HDAC9: variants seen among roughly 807,000 people sequenced by gnomAD.
HDAC9 encodes histone deacetylase 9.
Under a neutral mutation model 139.4 loss-of-function variants are expected in HDAC9, and 41 were observed. The ratio of observed to expected loss-of-function variants is 0.29; its 90% CI spans 0.23 to 0.38. HDAC9 has a LOEUF of 0.38. Among genes scored for constraint, HDAC9 ranks in the 10% least tolerant of loss-of-function variants. The probability of loss-of-function intolerance (pLI) is 1.00; values close to 1 mark genes in which losing one functional copy is unlikely to be tolerated. For synonymous variants in HDAC9, 517 were observed against 476.2 expected (o/e 1.09, Z -1.12); for missense variants, 1,147 against 1,297.0 (o/e 0.88, Z 1.78).
At chr7:18,183,032 C>T (rs1248024764) in intron 2 of HDAC9, among the ~76,000 whole-genome samples, 6 of 146,692 alleles carry the variant, frequency 4.1e-5, no homozygotes, top group African/African-American at 7.7e-5. Context: ...TTTTTTGAGA[C>T]GGAGTCTCAC....
At chr7:18,170,848 G>T (rs1788375907) in intron 2 of HDAC9, among the ~76,000 whole-genome samples, 3 of 152,254 alleles carry the variant, frequency 2.0e-5, no homozygotes, top group Admixed American at 2.0e-4. Flanking sequence ...GGTTACTGTT[G>T]GCTTGTAGTA....
intron 1 of HDAC9, 99 bp downstream of exon 1, chr7:18,496,122 C>T: frequency 7.1e-7 from 1 of 1,416,548 alleles, no homozygotes; most frequent in South Asian, 1.3e-5. Context: ...GCTGCTTCTC[C>T]TCAGGGAGGA....
intron 1 of HDAC9, among the ~76,000 whole-genome samples, chr7:18,117,378 C>T (rs1257301423): frequency 6.6e-6 from 1 of 151,578 alleles, no homozygotes. Context: ...CCCAGCTACT[C>T]GGGAGGCTGA....
intron 1 of HDAC9, among the ~76,000 whole-genome samples, chr7:18,290,668 A>G (rs1174161292): frequency 2.0e-5 from 3 of 152,222 alleles, no homozygotes; most frequent in Non-Finnish European, 4.4e-5. Flanking sequence ...TTTTCCAATC[A>G]GTAACAGTAG....
At chr7:18,924,833 G>T (rs190571913) in intron 22 of HDAC9, among the ~76,000 whole-genome samples, 107 of 152,190 alleles carry the variant, frequency 7.0e-4, no homozygotes, top group African/African-American at 2.5e-3. Flanking sequence ...TTCAGAAACC[G>T]TGAGGATGAT....
rs149888197 is a variant in HDAC9 at position 18,610,409 on chromosome 7, C to G, written c.664+16380C>G. ...TCTCCCTCCAAATTTTGACAATAACCCAGAGCAAGCCTAGGCTCACCTTTT... is the reference window on the plus strand; with the variant it reads ...TCTCCCTCCAAATTTTGACAATAACGCAGAGCAAGCCTAGGCTCACCTTTT... On this transcript the variant is annotated intron_variant, in intron 6 of 25. Transcript: ENST00000686413. Among the ~76,000 whole-genome samples, 60 of 152,170 alleles carry G rather than the reference C, an allele frequency of 3.9e-4. No individual in the cohort carries two copies. The East Asian group carries it at 0.01, about 26-fold the overall frequency.
chr7:18,939,547 T>G lies in HDAC9; in HGVS notation c.2937+3605T>G, dbSNP rs566188662. On this transcript the variant is annotated intron_variant, in intron 23 of 25. Coordinates refer to ENST00000686413, the MANE Select transcript of HDAC9 (RefSeq NM_178425.4). Reference sequence around the variant, plus strand: ...ATAATTTATAATCCAAGGCCTGGTTTTCTGTATTTTTTTCCAGGTCAAAGA... The same window carrying G: ...ATAATTTATAATCCAAGGCCTGGTTGTCTGTATTTTTTTCCAGGTCAAAGA... 4.6e-5 allele frequency among the ~76,000 whole-genome samples: 7 copies of G among 152,314 alleles called. No homozygotes were observed. The South Asian group carries it at 1.2e-3, about 27-fold the overall frequency.
chr7:18,298,745 C>T (rs1798320772), intron 1 of HDAC9, among the ~76,000 whole-genome samples: 1 of 152,098 alleles, frequency 6.6e-6, no homozygotes, highest in Non-Finnish European at 1.5e-5. Flanking sequence ...ACATAGGACA[C>T]TCTTAGTCAT....
chr7:18,346,134 AGTTAT>A (rs1389824972), intron 1 of HDAC9, among the ~76,000 whole-genome samples: 5 of 152,260 alleles, frequency 3.3e-5, no homozygotes, highest in African/African-American at 4.8e-5. Context: ...GCTAAAGAAA[AGTTAT>A]GTTATGGCCC....
At chr7:18,142,562 T>G (rs1464179959) in intron 1 of HDAC9, among the ~76,000 whole-genome samples, 1 of 152,224 alleles carries the variant, frequency 6.6e-6, no homozygotes, top group African/African-American at 2.4e-5. Flanking sequence ...TCCCTCACCA[T>G]GCAAGGGAAT....
At chr7:18,194,554 C>G (rs955213872) in intron 2 of HDAC9, among the ~76,000 whole-genome samples, 1 of 152,130 alleles carries the variant, frequency 6.6e-6, no homozygotes, top group Non-Finnish European at 1.5e-5. Flanking sequence ...GCCCAAGGGC[C>G]TCTTCGATTC....
At chr7:18,887,290 A>G (rs191087935) in intron 22 of HDAC9, among the ~76,000 whole-genome samples, 17 of 152,296 alleles carry the variant, frequency 1.1e-4, no homozygotes, top group Admixed American at 3.3e-4. Flanking sequence ...GGGTACTGCA[A>G]TTGGCATTTC....
At chr7:18,091,287 A>G (rs1028154242) in intron 1 of HDAC9, among the ~76,000 whole-genome samples, 20 of 152,206 alleles carry the variant, frequency 1.3e-4, no homozygotes, top group South Asian at 4.1e-4. Context: ...GAAAACTACT[A>G]TCTATTGTTT....
At chr7:18,843,128 A>G (rs1020416221) in intron 21 of HDAC9, among the ~76,000 whole-genome samples, 1 of 152,150 alleles carries the variant, frequency 6.6e-6, no homozygotes, top group Non-Finnish European at 1.5e-5. Flanking sequence ...AATTTTCCAA[A>G]TAATGGGGAC....
intron 2 of HDAC9, chr7:18,517,544 T>A (rs575006150): frequency 1.9e-4 from 29 of 152,312 alleles, no homozygotes; most frequent in African/African-American, 6.7e-4. Context: ...CTTCTATACA[T>A]TCATTCTAAA....
At chr7:18,365,168 C>T (rs546058385) in intron 1 of HDAC9, among the ~76,000 whole-genome samples, 1 of 152,036 alleles carries the variant, frequency 6.6e-6, no homozygotes, top group South Asian at 2.1e-4. Flanking sequence ...GGGCTGTTTG[C>T]TGGGAGTAAG....
intron 22 of HDAC9, chr7:18,899,364 C>G (rs187626104): frequency 4.0e-5 from 6 of 151,866 alleles, no homozygotes; most frequent in Admixed American, 1.3e-4. Context: ...CTCCCTATAG[C>G]CAAACATGAA....
chr7:18,126,183 T>C (rs1784656482), intron 1 of HDAC9, among the ~76,000 whole-genome samples: 1 of 145,328 alleles, frequency 6.9e-6, no homozygotes, highest in Non-Finnish European at 1.5e-5. Context: ...AAGCTTTATG[T>C]ATTATTATTA....
At chr7:18,245,513 G>C (rs1015207059) in intron 2 of HDAC9, among the ~76,000 whole-genome samples, 1 of 151,956 alleles carries the variant, frequency 6.6e-6, no homozygotes, top group Non-Finnish European at 1.5e-5. Context: ...GCATGAACCC[G>C]GACTTTGACC....
Sources: gnomAD v4.1 joint callset for allele counts (sites outside exome capture counted in the v4.1 genomes callset) on GRCh38, gnomAD v4.1.1 for gene constraint, MANE v1.5 for transcripts, NCBI Gene and HGNC (gene_info 2026-07-23, HGNC 2026-07-21) for gene names.